Variants in KCNQ2 observed in about 807,000 individuals in gnomAD.
KCNQ2 encodes the protein potassium voltage-gated channel subfamily Q member 2.
In KCNQ2, 14 loss-of-function variants were observed where a neutral mutation model predicts 84.8. That is an observed-to-expected ratio of 0.17 (90% CI 0.11 to 0.26). The LOEUF (loss-of-function observed/expected upper bound fraction) is 0.26. KCNQ2 is among the 10% of genes least tolerant of loss of function. The pLI is 1.00. For missense variants in KCNQ2, 788 were observed against 1,254.0 expected (o/e 0.63, Z 5.61); for synonymous variants, 599 against 554.1 (o/e 1.08, Z -1.14).
At chr20:63,452,536 C>A (rs2145822664) in intron 1 of KCNQ2, among the ~76,000 whole-genome samples, 2 of 152,354 alleles carry the variant, frequency 1.3e-5, no homozygotes, top group Middle Eastern at 3.4e-3. Context: ...AGGTGCGTGG[C>A]CACCAGCCGG....
At chr20:63,445,124 C>T (rs546506538) in intron 3 of KCNQ2, 114 bp downstream of exon 3, 287 of 1,405,276 alleles carry the variant, frequency 2.0e-4, no homozygotes, top group Non-Finnish European at 2.7e-4. Flanking sequence ...CCAGAAGGAG[C>T]CAGTCCTGCC....
At chr20:63,467,431 G>A (rs1368465848) in intron 1 of KCNQ2, among the ~76,000 whole-genome samples, 1 of 152,234 alleles carries the variant, frequency 6.6e-6, no homozygotes, top group African/African-American at 2.4e-5. Context: ...GCTATGGAAC[G>A]TCACTCCTAC....
At chr20:63,470,224 G>C (rs568465721) in intron 1 of KCNQ2, among the ~76,000 whole-genome samples, 1 of 144,034 alleles carries the variant, frequency 6.9e-6, no homozygotes, top group South Asian at 2.3e-4. Flanking sequence ...AAGGAGCTGA[G>C]GAGAGCCTGG....
At chr20:63,443,247 ACATCACCATCG>A (rs1484388302) in intron 4 of KCNQ2, among the ~76,000 whole-genome samples, 3 of 13,448 alleles carry the variant, frequency 2.2e-4, no homozygotes, top group African/African-American at 6.3e-4. Flanking sequence ...CACCACCATC[ACATCACCATCG>A]CCACCATCAT....
chr20:63,439,224 G>C (rs1191534126), intron 6 of KCNQ2, among the ~76,000 whole-genome samples: 11 of 152,230 alleles, frequency 7.2e-5, no homozygotes, highest in Non-Finnish European at 1.3e-4. Context: ...CTCCCTCTGA[G>C]CTGGGTGGGC....
intron 1 of KCNQ2, among the ~76,000 whole-genome samples, chr20:63,456,905 C>G (rs1335401848): frequency 6.6e-6 from 1 of 151,902 alleles, no homozygotes; most frequent in Non-Finnish European, 1.5e-5. Flanking sequence ...CCCAGCAGGG[C>G]CCCGGGGATG....
chr20:63,438,749 C>A lies in KCNQ2; in HGVS notation c.928-29G>T. 6.3e-7 allele frequency: 1 copy of A among 1,598,366 alleles called. No individual in the cohort carries two copies. Among genetic ancestry groups the A allele is most frequent in the South Asian group, 1.1e-5 (1 of 90,788 alleles). ...CAATTCATCAGGGTCAGGTCACACC[C>A]CAGGGACCCCCCACACCCCAATTCA... is the stretch of plus-strand genomic sequence containing the variant. On this transcript the variant is annotated intron_variant, in intron 6 of 16. Transcript: ENST00000359125. This position sits in a 1 kb window ranked among gnomAD's most constrained non-coding sequence, Gnocchi z 5.1.
chr20:63,429,668 C>T (rs977336345), intron 9 of KCNQ2, among the ~76,000 whole-genome samples: 1 of 152,150 alleles, frequency 6.6e-6, no homozygotes, highest in African/African-American at 2.4e-5. Flanking sequence ...CCACTGCCTC[C>T]AAAGCAAAAG....
chr20:63,463,688 CTCA>C (rs1354265929), intron 1 of KCNQ2: 1 of 152,266 alleles, frequency 6.6e-6, no homozygotes, highest in East Asian at 1.9e-4. Flanking sequence ...ACTCACCCTT[CTCA>C]TGTTTTTTCC....
At chr20:63,416,021 G>A (rs2080285762) in intron 12 of KCNQ2, among the ~76,000 whole-genome samples, 1 of 152,130 alleles carries the variant, frequency 6.6e-6, no homozygotes. Context: ...TGGGCTTCAG[G>A]AGGGCTCAGG....
At chr20:63,423,807 C>T (rs6090414) in intron 11 of KCNQ2, 2 of 312,530 alleles carry the variant, frequency 6.4e-6, no homozygotes, top group Non-Finnish European at 1.2e-5. Context: ...CGACTCAGGC[C>T]AGCTGTGAGC....
intron 9 of KCNQ2, among the ~76,000 whole-genome samples, chr20:63,429,271 C>CA (rs1555861480): frequency 7.3e-5 from 11 of 151,546 alleles, no homozygotes; most frequent in African/African-American, 2.2e-4. Flanking sequence ...GGGCCTCCCC[C>CA]ACCCGGCTCC....
At chr20:63,436,472 A>G (rs1429582677) in intron 7 of KCNQ2, among the ~76,000 whole-genome samples, 1 of 151,244 alleles carries the variant, frequency 6.6e-6, no homozygotes, top group Non-Finnish European at 1.5e-5. Flanking sequence ...TGGAGCTTGC[A>G]GTGAGCTGAG....
Position 63,426,468 on chromosome 20 carries a change from C to G in KCNQ2, c.1217+1899G>C, listed in dbSNP as rs71325439. On this transcript the variant is annotated intron_variant, in intron 10 of 16. Coordinates refer to ENST00000359125, the MANE Select transcript of KCNQ2 (RefSeq NM_172107.4). ...TGAGCACCTCCCAAACCTTCAAGTT[C>G]TGGTTTCTTACAGCAGTTCTGCCCT... Among the ~76,000 whole-genome samples, 392 of 150,948 alleles carry G rather than the reference C, an allele frequency of 2.6e-3. 1 individual carries two copies. Among genetic ancestry groups the G allele is most frequent in the Non-Finnish European group, 4.6e-3 (310 of 67,884 alleles).
At chr20:63,456,730 C>T (rs544927630) in intron 1 of KCNQ2, among the ~76,000 whole-genome samples, 2 of 152,318 alleles carry the variant, frequency 1.3e-5, no homozygotes, top group African/African-American at 4.8e-5. Context: ...GGCCCACGTG[C>T]GGATTGGCCA....
At position 63,444,722 on chromosome 20, in the gene KCNQ2, G is replaced by C; in HGVS notation, c.627C>G (p.Ile209Met). 1 of 1,602,450 alleles carries C rather than the reference G, an allele frequency of 6.2e-7. No individual in the cohort carries two copies. Among genetic ancestry groups the C allele is most frequent in the Non-Finnish European group, 8.5e-7 (1 of 1,175,492 alleles). Reference sequence around the variant, plus strand: ...AGGTGCCTCCCCGCCGGTCCATGCGGATCATCCGCAGAATCTGCAGGAAGC... The same window carrying C: ...AGGTGCCTCCCCGCCGGTCCATGCGCATCATCCGCAGAATCTGCAGGAAGC... ...SLRFLQILRM[I>M]RMDRRGGTWK... The change falls in exon 4 of 17, where the codon ATC (isoleucine) becomes ATG (methionine). Residue 209 changes from isoleucine (I) to methionine (M), a missense_variant. Transcript: ENST00000359125.
intron 1 of KCNQ2, among the ~76,000 whole-genome samples, chr20:63,462,926 G>A (rs1216976148): frequency 3.3e-5 from 5 of 152,192 alleles, no homozygotes; most frequent in Admixed American, 6.5e-5. Context: ...ACCGTGGCAC[G>A]CATGCAGAGA....
chr20:63,415,379 G>A (rs577653017), intron 12 of KCNQ2, among the ~76,000 whole-genome samples: 4 of 118,314 alleles, frequency 3.4e-5, no homozygotes, highest in African/African-American at 1.2e-4. Context: ...CACGGGGACC[G>A]AGCACCCGGC....
rs555336500 is a variant in KCNQ2 at position 63,403,484 on chromosome 20, G to C, written c.*3160C>G. On this transcript the variant is annotated 3_prime_UTR_variant, in exon 17 of 17. Transcript: ENST00000359125. Reference sequence around the variant, plus strand: ...TGCACCTGTGTGCATGTGCTGTGTGGCCTATGCACTTTGTGTGTGCATGTG... The same window carrying C: ...TGCACCTGTGTGCATGTGCTGTGTGCCCTATGCACTTTGTGTGTGCATGTG... The C allele has an allele frequency of 6.6e-6, 1 of 152,410 alleles. No homozygotes were observed. The highest frequency in any genetic ancestry group is 2.1e-4 in the South Asian group (1 of 4,816). 9.4% of individuals were successfully genotyped at this position (152,410 alleles called of 1,614,324 possible).
Sources: allele counts gnomAD v4.1 joint callset (sites outside exome capture counted in the v4.1 genomes callset), GRCh38; gene constraint gnomAD v4.1.1; non-coding constraint Gnocchi (gnomAD v3.1); transcripts MANE v1.5; gene names NCBI Gene and HGNC (gene_info 2026-07-23, HGNC 2026-07-21).